Variants in SUGCT observed in about 807,000 individuals in gnomAD.
The protein encoded by SUGCT is succinyl-CoA:glutarate-CoA transferase.
Under a neutral mutation model 55.0 loss-of-function variants are expected in SUGCT, and 41 were observed. The observed-to-expected ratio is 0.74, with a 90% confidence interval of 0.58 to 0.97. The LOEUF (loss-of-function observed/expected upper bound fraction) is 0.97. Ranked by LOEUF, SUGCT falls within the 50% of genes least tolerant of loss-of-function variation. SUGCT has a pLI of 0.00. For missense variants in SUGCT, 568 were observed against 547.8 expected (o/e 1.04, Z -0.37); for synonymous variants, 187 against 200.4 (o/e 0.93, Z 0.56).
chr7:40,699,707 A>G (rs1056564839), intron 12 of SUGCT, among the ~76,000 whole-genome samples: 6 of 152,032 alleles, frequency 3.9e-5, no homozygotes, highest in Non-Finnish European at 5.9e-5. Context: ...CATCTCTACT[A>G]AAAATACAAA....
At chr7:40,474,889 G>A (rs1032667814) in intron 11 of SUGCT, among the ~76,000 whole-genome samples, 1 of 152,146 alleles carries the variant, frequency 6.6e-6, no homozygotes, top group Admixed American at 6.6e-5. Context: ...AATTAAATGT[G>A]TGAATACAGT....
the SUGCT span, among the ~76,000 whole-genome samples, chr7:40,958,737 G>T: frequency 1.3e-5 from 2 of 152,012 alleles, no homozygotes; most frequent in African/African-American, 4.8e-5. Flanking sequence ...TGGAGGAGAG[G>T]AGGCATTCTG....
intron 13 of SUGCT, among the ~76,000 whole-genome samples, chr7:40,763,532 G>A (rs1281695489): frequency 3.3e-5 from 5 of 152,134 alleles, no homozygotes; most frequent in Non-Finnish European, 7.3e-5. Flanking sequence ...AGAGTGAAAT[G>A]GTTCGCTCAT....
intron 9 of SUGCT, among the ~76,000 whole-genome samples, chr7:40,358,010 A>C (rs893972666): frequency 2.0e-5 from 3 of 152,178 alleles, no homozygotes; most frequent in Non-Finnish European, 1.5e-5. Flanking sequence ...AGAATAGGAG[A>C]CTTGGCTATT....
the SUGCT span, among the ~76,000 whole-genome samples, chr7:41,035,486 C>T: frequency 1.3e-5 from 2 of 152,138 alleles, no homozygotes; most frequent in Admixed American, 1.3e-4. Context: ...GTTGCTGGGC[C>T]TCCCAAATGT....
chr7:40,176,364 C>CT, intron 1 of SUGCT, among the ~76,000 whole-genome samples: 1 of 152,242 alleles, frequency 6.6e-6, no homozygotes, highest in East Asian at 1.9e-4. Context: ...TATCAAAACA[C>CT]TGCAGGGGGC....
At chr7:40,895,083 G>T in the SUGCT span, among the ~76,000 whole-genome samples, 62 of 152,204 alleles carry the variant, frequency 4.1e-4, no homozygotes, top group East Asian at 0.012. Flanking sequence ...GTAGTAGAGT[G>T]GATGAAGAAA....
chr7:40,735,151 TTTC>T (rs1465926556), intron 12 of SUGCT, among the ~76,000 whole-genome samples: 1 of 152,192 alleles, frequency 6.6e-6, no homozygotes, highest in Non-Finnish European at 1.5e-5. Flanking sequence ...GAAAGAATGC[TTTC>T]TTAACTTGAA....
chr7:40,390,979 A>G (rs1028345018), intron 9 of SUGCT, among the ~76,000 whole-genome samples: 1 of 152,172 alleles, frequency 6.6e-6, no homozygotes, highest in Non-Finnish European at 1.5e-5. Flanking sequence ...AAACAATACC[A>G]CACATCTACA....
chr7:40,331,390 T>C lies in SUGCT; in HGVS notation c.816+14535T>C, dbSNP rs181444312. Reference sequence around the variant, plus strand: ...TAGGTGTAGTGTTTAAAAGCATGCATGAGCTTTGGAGTCAGACAGACCTTG... The same window carrying C: ...TAGGTGTAGTGTTTAAAAGCATGCACGAGCTTTGGAGTCAGACAGACCTTG... On this transcript the variant is annotated intron_variant, in intron 9 of 13. Transcript: ENST00000335693. 1.1e-4 allele frequency among the ~76,000 whole-genome samples: 16 copies of C among 152,330 alleles called. No individual in the cohort carries two copies. The East Asian group carries it at 3.1e-3, about 29-fold the overall frequency.
At chr7:40,285,295 G>T (rs186633120) in intron 8 of SUGCT, among the ~76,000 whole-genome samples, 2 of 152,182 alleles carry the variant, frequency 1.3e-5, no homozygotes, top group Non-Finnish European at 2.9e-5. Flanking sequence ...GAACCTAGTA[G>T]AATCATGAAT....
intron 12 of SUGCT, among the ~76,000 whole-genome samples, chr7:40,626,146 T>C (rs1304629579): frequency 6.6e-6 from 1 of 152,182 alleles, no homozygotes; most frequent in Non-Finnish European, 1.5e-5. Flanking sequence ...CGTTCCTTTA[T>C]CTAAATGTTC....
At chr7:40,209,289 G>C (rs1041741431) in intron 6 of SUGCT, among the ~76,000 whole-genome samples, 6 of 151,882 alleles carry the variant, frequency 4.0e-5, no homozygotes, top group Non-Finnish European at 8.8e-5. Context: ...GATCACCTGA[G>C]GAGGTCAGGA....
the SUGCT span, among the ~76,000 whole-genome samples, chr7:40,916,131 T>C: frequency 6.6e-6 from 1 of 151,956 alleles, no homozygotes; most frequent in African/African-American, 2.4e-5. Context: ...ACTAGAATTG[T>C]ATATGAATGT....
intron 12 of SUGCT, among the ~76,000 whole-genome samples, chr7:40,561,563 A>T (rs1473752830): frequency 6.6e-6 from 1 of 152,110 alleles, no homozygotes; most frequent in East Asian, 1.9e-4. Context: ...AGACAAACAC[A>T]GTGGATTCAA....
At chr7:40,918,278 T>A in the SUGCT span, among the ~76,000 whole-genome samples, 1,184 of 152,028 alleles carry the variant, frequency 7.8e-3, 20 homozygotes, top group African/African-American at 0.027. Context: ...CTGACCAACA[T>A]GGTGAAACCC....
At position 40,560,916 on chromosome 7, in the gene SUGCT, A is replaced by G. The variant is rs1438744181; in HGVS notation, c.1089+64530A>G. 3.9e-5 allele frequency among the ~76,000 whole-genome samples: 6 copies of G among 152,268 alleles called. No homozygotes were observed. In the South Asian group the frequency reaches 1.2e-3, roughly 32 times the overall value. ...TGCTGTATTAGAGTATAGCATCACA[A>G]CAAAATTAGCATTCCATATGTTGTT... On this transcript the variant is annotated intron_variant, in intron 12 of 13. Coordinates refer to ENST00000335693, the MANE Select transcript of SUGCT (RefSeq NM_001193313.2).
intron 12 of SUGCT, among the ~76,000 whole-genome samples, chr7:40,566,033 G>A (rs2151675875): frequency 6.8e-6 from 1 of 147,414 alleles, no homozygotes; most frequent in Non-Finnish European, 1.5e-5. Flanking sequence ...ACGAATATAA[G>A]CTTCATAAAC....
chr7:41,034,433 C>T, the SUGCT span, among the ~76,000 whole-genome samples: 1 of 152,082 alleles, frequency 6.6e-6, no homozygotes, highest in Non-Finnish European at 1.5e-5. Flanking sequence ...CGAGTCTGAG[C>T]CTTAAGAAAA....
Sources: gnomAD v4.1 joint callset for allele counts (sites outside exome capture counted in the v4.1 genomes callset) on GRCh38, gnomAD v4.1.1 for gene constraint, MANE v1.5 for transcripts, NCBI Gene and HGNC (gene_info 2026-07-23, HGNC 2026-07-21) for gene names.